Variants in TMPRSS9 observed in about 807,000 individuals in gnomAD.
TMPRSS9 encodes the protein transmembrane serine protease 9.
A neutral mutation model predicts 111.4 loss-of-function variants in TMPRSS9; 113 were observed. The ratio of observed to expected loss-of-function variants is 1.01; its 90% CI spans 0.87 to 1.19. The LOEUF (loss-of-function observed/expected upper bound fraction) is 1.19. TMPRSS9 is among the 50% of genes most tolerant of loss of function. The pLI, the probability that TMPRSS9 is intolerant of heterozygous loss-of-function variation, is 0.00. For missense variants in TMPRSS9, 1,803 were observed against 1,513.1 expected (o/e 1.19, Z -3.18); for synonymous variants, 805 against 659.1 (o/e 1.22, Z -3.39).
chr19:2,425,100 C>A (rs766474520), exon 16 of TMPRSS9: 2 of 1,583,718 alleles, frequency 1.3e-6, no homozygotes, highest in East Asian at 4.6e-5. Flanking sequence ...TACAAGCACC[C>A]GTTCTACAAT....
At chr19:2,406,168 G>A (rs946085011) in intron 7 of TMPRSS9, among the ~76,000 whole-genome samples, 3 of 150,452 alleles carry the variant, frequency 2.0e-5, no homozygotes, top group Admixed American at 6.6e-5. Context: ...CCGCCACCAC[G>A]CCCAGCTAAT....
upstream of TMPRSS9, among the ~76,000 whole-genome samples, chr19:2,388,655 C>A (rs1240961752): frequency 6.6e-6 from 1 of 152,182 alleles, no homozygotes; most frequent in Non-Finnish European, 1.5e-5. Context: ...GGGTCTGGCT[C>A]TGTCACCCAG....
chr19:2,393,201 C>T (rs771112782), intron 1 of TMPRSS9, among the ~76,000 whole-genome samples: 1 of 152,134 alleles, frequency 6.6e-6, no homozygotes, highest in African/African-American at 2.4e-5. Context: ...TTTTTTAATT[C>T]TCTGCGAGAA....
chr19:2,371,261 A>C (rs1006066393), intron 1 of TMPRSS9, among the ~76,000 whole-genome samples: 2 of 152,194 alleles, frequency 1.3e-5, no homozygotes, highest in Non-Finnish European at 2.9e-5. Flanking sequence ...ACTCGTTCAC[A>C]GTCACTCGTG....
In TMPRSS9 at chr19:2,421,967, G is replaced by A. The variant is rs372301343; in HGVS notation, c.2268G>A (p.Thr756=). ...AGGTTAAGAAGCCGGGCGTGTACACGCGCATCACCAGGCTAAAGGGCTGGA... is the reference window on the plus strand; with the variant it reads ...AGGTTAAGAAGCCGGGCGTGTACACACGCATCACCAGGCTAAAGGGCTGGA... Residue 756 remains threonine, a synonymous_variant, in exon 14 of 18, where the codon ACG becomes ACA. Coordinates refer to ENST00000648592, the Ensembl canonical transcript of TMPRSS9. 1.3e-5 allele frequency: 21 copies of A among 1,613,088 alleles called. No homozygotes were observed. The East Asian group carries it at 2.0e-4, about 15-fold the overall frequency.
At chr19:2,381,296 T>C (rs2145261902) in intron 1 of TMPRSS9, among the ~76,000 whole-genome samples, 1 of 152,090 alleles carries the variant, frequency 6.6e-6, no homozygotes, top group South Asian at 2.1e-4. Flanking sequence ...ACAGGAATCC[T>C]TAGAAAACCC....
chr19:2,369,397 TAAG>T (rs897866865), intron 1 of TMPRSS9, among the ~76,000 whole-genome samples: 4 of 151,960 alleles, frequency 2.6e-5, no homozygotes, highest in African/African-American at 4.8e-5. Context: ...GTGTCAAATT[TAAG>T]AAGCCTGTTA....
chr19:2,409,702 G>A (rs1399547369), intron 8 of TMPRSS9, among the ~76,000 whole-genome samples: 1 of 152,080 alleles, frequency 6.6e-6, no homozygotes, highest in Non-Finnish European at 1.5e-5. Flanking sequence ...TTCAGACAGC[G>A]GGAACAGCAT....
At chr19:2,379,622 T>TTTCTTTCC (rs1970367316) in intron 1 of TMPRSS9, among the ~76,000 whole-genome samples, 1 of 128,754 alleles carries the variant, frequency 7.8e-6, no homozygotes, top group African/African-American at 3.2e-5. Flanking sequence ...TTTCTCTTTC[T>TTTCTTTCC]TTCTTTCTTT....
At chr19:2,386,461 C>T (rs1443484798), upstream of TMPRSS9, among the ~76,000 whole-genome samples, 2 of 150,376 alleles carry the variant, frequency 1.3e-5, no homozygotes, top group African/African-American at 2.4e-5. Flanking sequence ...GCCGAGATCG[C>T]GCCACTGGAC....
rs771305642 is a variant in TMPRSS9, at chr19:2,411,299, CAAAAAAAA to C, written c.1254+932_1254+939del. 2.3e-3 allele frequency among the ~76,000 whole-genome samples: 75 copies of C among 32,296 alleles called. No individual in the cohort carries two copies. The East Asian group carries it at 0.029, about 12-fold the overall frequency. 21.2% of individuals were successfully genotyped at this position (32,296 alleles called of 152,430 possible). ...TGGGCGACAAAGCAAGACTCTGTCT[CAAAAAAAA>C]AAAAAAAAAAAAAAAAAAAAAAAAA... On this transcript the variant is annotated intron_variant, in intron 9 of 17. Coordinates refer to ENST00000648592, the Ensembl canonical transcript of TMPRSS9.
chr19:2,426,143 GCCACCCAACACCCCACCCCACCGTACC>G, exon 18 of TMPRSS9: 1 of 1,455,062 alleles, frequency 6.9e-7, no homozygotes, highest in Non-Finnish European at 9.0e-7. Context: ...GGAGCAGCAG[GCCACCCAACACCCCACCCCACCGTACC>G]CTACCCAAGG....
chr19:2,396,891 G>C (rs1463420085), intron 2 of TMPRSS9, among the ~76,000 whole-genome samples: 3 of 152,116 alleles, frequency 2.0e-5, no homozygotes, highest in Non-Finnish European at 4.4e-5. Context: ...CACTCACATG[G>C]GACTTTAGGC....
rs1970220508 is a variant in TMPRSS9, at chr19:2,363,531, G to T, written c.-26+3171G>T. 2.0e-5 allele frequency among the ~76,000 whole-genome samples: 3 copies of T among 151,858 alleles called. No homozygotes were observed. The South Asian group carries it at 6.2e-4, about 32-fold the overall frequency. ...TGTGGGGGGGTGGGGGGACAGGCGA[G>T]AGTGTGGGAGGGAGTGAGGTCGCGT... On this transcript the variant is annotated intron_variant, in intron 1 of 17. Coordinates refer to the TMPRSS9 transcript ENST00000649857.
intron 1 of TMPRSS9, among the ~76,000 whole-genome samples, chr19:2,378,011 A>T (rs1970353456): frequency 6.6e-6 from 1 of 151,732 alleles, no homozygotes; most frequent in African/African-American, 2.4e-5. Flanking sequence ...AGTAGCTGAG[A>T]CTACTGGCAT....
At chr19:2,389,963 A>G (rs1339199837) in intron 1 of TMPRSS9, 36 bp downstream of exon 2, 2 of 1,587,582 alleles carry the variant, frequency 1.3e-6, no homozygotes, top group Admixed American at 3.4e-5. Flanking sequence ...TTCGCAATAC[A>G]AGGGACATGT....
chr19:2,390,343 C>A (rs1970562445), intron 1 of TMPRSS9, among the ~76,000 whole-genome samples: 1 of 147,490 alleles, frequency 6.8e-6, no homozygotes, highest in African/African-American at 2.5e-5. Flanking sequence ...CCCGGGTTCA[C>A]ACCGTTCTCC....
exon 1 of TMPRSS9, chr19:2,389,842 C>G (rs201218856): frequency 1.9e-5 from 30 of 1,613,920 alleles, no homozygotes; most frequent in Middle Eastern, 1.6e-4. Flanking sequence ...AGGAAGTCCC[C>G]GCTCTGGATG....
rs1007529016 is a variant in TMPRSS9, at chr19:2,396,568, G to A, written c.172G>A (p.Asp58Asn). 4.3e-6 allele frequency: 7 copies of A among 1,610,390 alleles called. No homozygotes were observed. The African/African-American group carries it at 8.0e-5, about 18-fold the overall frequency. The change falls in exon 2 of 18, where the codon GAC becomes AAC. Residue 58 changes from aspartate to asparagine, a missense_variant. Asp to Asn is a conservative substitution (Grantham distance 23). Transcript: ENST00000648592. ...CCTCTCTACACAGGGCTTCCACGTGGACCACACGGCCGAGCTGCGGGGAAT... is the reference window on the plus strand; with the variant it reads ...CCTCTCTACACAGGGCTTCCACGTGAACCACACGGCCGAGCTGCGGGGAAT...
Sources: allele counts gnomAD v4.1 joint callset (sites outside exome capture counted in the v4.1 genomes callset), GRCh38; gene constraint gnomAD v4.1.1; transcripts MANE v1.5; gene names NCBI Gene and HGNC (gene_info 2026-07-23, HGNC 2026-07-21).